Variants in ZNF579 observed in about 807,000 individuals in gnomAD.
ZNF579 encodes zinc finger protein 579.
In ZNF579, 3 loss-of-function variants were observed where a neutral mutation model predicts 5.7. That is an observed-to-expected ratio of 0.53 (90% CI 0.24 to 1.36). ZNF579 has a LOEUF of 1.36. Ranked by LOEUF, ZNF579 falls within the 40% of genes most tolerant of loss-of-function variation. The pLI, the probability that ZNF579 is intolerant of heterozygous loss-of-function variation, is 0.16. For synonymous variants in ZNF579, 454 were observed against 409.0 expected (o/e 1.11, Z -1.33); for missense variants, 679 against 877.6 (o/e 0.77, Z 2.86).
At position 55,579,429 on chromosome 19, in the gene ZNF579, G is replaced by C; in HGVS notation, c.211C>G (p.Pro71Ala). ...TTGGGGCACAGCGGGCAGGCGTGGG[G>C]CCGGAGCCCCGAGTGGCTCAGCCGG... Reference protein sequence around the residue: ...RHRLSHSGLRPHACPLCPKAF... With the variant: ...RHRLSHSGLRAHACPLCPKAF... Residue 71 changes from proline to alanine, a missense_variant, in exon 2 of 2, where the codon CCC becomes GCC. Physicochemically the swap from Pro to Ala is conservative, Grantham distance 27. Coordinates refer to ENST00000325421, the MANE Select transcript of ZNF579 (RefSeq NM_152600.3). 7.5e-7 allele frequency: 1 copy of C among 1,337,180 alleles called. No individual in the cohort carries two copies. The highest frequency in any genetic ancestry group is 9.6e-7 in the Non-Finnish European group (1 of 1,042,138). The allele number at this position is 1,337,180 out of a possible 1,614,324, so 82.8% of individuals were successfully genotyped here.
In ZNF579 at chr19:55,578,144, C is replaced by G; in HGVS notation, c.1496G>C (p.Gly499Ala). Residue 499 changes from glycine to alanine, a missense_variant, in exon 2 of 2, where the codon GGG becomes GCG. Physicochemically the swap from Gly to Ala is moderately conservative, Grantham distance 60. This residue lies in a region of ZNF579 where 116 missense variants were observed against 121.9 expected (regional missense o/e 0.95). Coordinates refer to ENST00000325421, the MANE Select transcript of ZNF579 (RefSeq NM_152600.3). ...AATGTTTGCGAGGGGCAGCGGGAGC[C>G]CTTCTTCCTCCTGCTCGGCCTTCAG... ...PPLKAEQEEE[G>A]LPLPLANIKE... is the part of the protein sequence containing the mutation. The G allele has an allele frequency of 5.2e-6, 8 of 1,529,076 alleles. No individual in the cohort carries two copies. The highest frequency in any genetic ancestry group is 6.2e-6 in the Non-Finnish European group (7 of 1,137,018). The allele number at this position is 1,529,076 out of a possible 1,614,324, so 94.7% of individuals were successfully genotyped here.
rs1339206324 is a variant in ZNF579, at chr19:55,578,553, C to A, written c.1087G>T (p.Gly363Trp). 2.1e-6 allele frequency: 3 copies of A among 1,432,976 alleles called. No individual in the cohort carries two copies. The highest frequency in any genetic ancestry group is 2.1e-4 in the Middle Eastern group (1 of 4,718). 88.8% of individuals were successfully genotyped at this position (1,432,976 alleles called of 1,614,324 possible). The change falls in exon 2 of 2, where the codon GGG (glycine) becomes TGG (tryptophan). Residue 363 changes from glycine (G) to tryptophan (W), a missense_variant. Gly to Trp is a radical substitution (Grantham distance 184). Around this residue, in one of 6 missense-constraint regions of ZNF579, gnomAD observed 114 missense variants for 98.9 expected, o/e 1.15. Coordinates refer to ENST00000325421, the MANE Select transcript of ZNF579 (RefSeq NM_152600.3). The stretch of plus-strand genomic sequence containing the variant: ...TCGCCTCCGTTCTGCCCTTCTCCCC[C>A]TTCCGAGGCACCCCCGCACTCCGCC... ...EGAECGGASE[G>W]GEGQNGGDAA... is the part of the protein sequence containing the mutation.
In ZNF579 at chr19:55,577,985, G is replaced by C. The variant is rs757017578; in HGVS notation, c.1655C>G (p.Ala552Gly). 24 of 1,599,278 alleles carry C rather than the reference G, an allele frequency of 1.5e-5. 2 individuals carry two copies. The South Asian group carries it at 2.1e-4, about 14-fold the overall frequency. Residue 552 changes from alanine (A) to glycine (G), a missense_variant, in exon 2 of 2, where the codon GCT becomes GGT. Physicochemically the swap from Ala to Gly is moderately conservative, Grantham distance 60. This residue lies in a region of ZNF579 where 116 missense variants were observed against 121.9 expected (regional missense o/e 0.95). Transcript: ENST00000325421. ...EMEEEEVDSK[A>G]HLRGLGGLAS ...CAGGCCCCCCAGCCCGCGCAGGTGA[G>C]CCTTGCTGTCTACCTCTTCCTCCTC...
rs1008734938 is a variant in ZNF579 at position 55,579,538 on chromosome 19, C to T, written c.102G>A (p.Arg34=). 7.5e-6 allele frequency: 11 copies of T among 1,459,652 alleles called. No individual in the cohort carries two copies. Among genetic ancestry groups the T allele is most frequent in the Non-Finnish European group, 8.1e-6 (9 of 1,111,988 alleles). 90.4% of individuals were successfully genotyped at this position (1,459,652 alleles called of 1,614,324 possible). A position where few individuals can be genotyped will look rare whatever the true frequency, so the allele number is the denominator to read the frequency against. ...RGRGRGRGRG[R]GGAGAPRAPL... ...GCGCCCTAGGGGCTCCAGCGCCCCCCCTGCCACGGCCACGGCCCCGACCAC... is the reference window on the plus strand; with the variant it reads ...GCGCCCTAGGGGCTCCAGCGCCCCCTCTGCCACGGCCACGGCCCCGACCAC... Residue 34 remains arginine (R), a synonymous_variant, in exon 2 of 2, where the codon AGG becomes AGA. Transcript: ENST00000325421.
Position 55,579,037 on chromosome 19 carries a change from G to T in ZNF579, c.603C>A (p.Ala201=). 1 of 1,529,430 alleles carries T rather than the reference G, an allele frequency of 6.5e-7. No homozygotes were observed. Among genetic ancestry groups the T allele is most frequent in the Non-Finnish European group, 8.7e-7 (1 of 1,144,310 alleles). 94.7% of individuals were successfully genotyped at this position (1,529,430 alleles called of 1,614,324 possible). The change falls in exon 2 of 2, where the codon GCC becomes GCA. Residue 201 remains alanine, a synonymous_variant. Transcript: ENST00000325421. ...PRESESEEAE[A]GAAELRAELA... ...GCTCGGCCCTCAGCTCTGCTGCCCC[G>T]GCCTCGGCCTCCTCCGACTCCGACT...
intron 1 of ZNF579, among the ~76,000 whole-genome samples, chr19:55,580,200 C>T (rs1235406214): frequency 3.3e-5 from 5 of 152,006 alleles, no homozygotes; most frequent in East Asian, 1.9e-4. Context: ...CCAGGTCCCC[C>T]GGCCAGGCTG....
Position 55,578,812 on chromosome 19 carries a change from G to A in ZNF579, c.828C>T (p.Leu276=). 1 of 1,602,734 alleles carries A rather than the reference G, an allele frequency of 6.2e-7. No individual in the cohort carries two copies. Among genetic ancestry groups the A allele is most frequent in the African/African-American group, 1.3e-5 (1 of 74,170 alleles). ...GGGACCAGGGCCTGGCGAAGGCCTT[G>A]AGGCAGATGGAGCACTGGTGTCGCT... ...RPKRHQCSIC[L]KAFARPWSLS... is the part of the protein sequence containing the mutation. The change falls in exon 2 of 2, where the codon CTC becomes CTT. Residue 276 remains leucine, a synonymous_variant. Coordinates refer to ENST00000325421, the MANE Select transcript of ZNF579 (RefSeq NM_152600.3).
At position 55,579,202 on chromosome 19, in the gene ZNF579, C is replaced by A. The variant is rs753896213; in HGVS notation, c.438G>T (p.Pro146=). 2.6e-6 allele frequency: 4 copies of A among 1,524,060 alleles called. No individual in the cohort carries two copies. Among genetic ancestry groups the A allele is most frequent in the Admixed American group, 2.0e-5 (1 of 50,586 alleles). 94.4% of individuals were successfully genotyped at this position (1,524,060 alleles called of 1,614,324 possible). The part of the protein sequence containing the change: ...AKETAEPSWG[P]QDEGSEPPTT... ...TGGGCGGCTCCGAGCCCTCGTCCTG[C>A]GGGCCCCAGCTGGGTTCGGCCGTCT... Residue 146 remains proline, a synonymous_variant, in exon 2 of 2, where the codon CCG becomes CCT. Coordinates refer to ENST00000325421, the MANE Select transcript of ZNF579 (RefSeq NM_152600.3).
At position 55,578,934 on chromosome 19, in the gene ZNF579, G is replaced by A. The variant is rs1180462045; in HGVS notation, c.706C>T (p.Arg236Cys). ...TCGCCCTTGGTGGCGAAGGCTTCGC[G>A]GCAGCGCAGACACAGCAGCGTCCAG... is the stretch of plus-strand genomic sequence containing the variant. Reference protein sequence around the residue: ...ADWTLLCLRCREAFATKGELK... With the variant: ...ADWTLLCLRCCEAFATKGELK... Residue 236 changes from arginine to cysteine, a missense_variant, in exon 2 of 2, where the codon CGC (arginine) becomes TGC (cysteine). Transcript: ENST00000325421. The A allele has an allele frequency of 5.1e-6, 8 of 1,568,088 alleles. No homozygotes were observed. Among genetic ancestry groups the A allele is most frequent in the Admixed American group, 1.8e-5 (1 of 54,082 alleles).
Position 55,578,894 on chromosome 19 carries a change from G to C in ZNF579, c.746C>G (p.Pro249Arg), listed in dbSNP as rs751154563. The change falls in exon 2 of 2, where the codon CCG becomes CGG. Residue 249 changes from proline to arginine, a missense_variant. By Grantham distance (103) the Pro-to-Arg change is moderately radical (BLOSUM62 -2). Coordinates refer to ENST00000325421, the MANE Select transcript of ZNF579 (RefSeq NM_152600.3). ...CTGTTCGCCCTCGGGGCGCAGACAC[G>C]GGTGCGCCTTGAGCTCGCCCTTGGT... is the stretch of plus-strand genomic sequence containing the variant. ...FATKGELKAH[P>R]CLRPEGEQEG... 3.1e-6 allele frequency: 5 copies of C among 1,592,758 alleles called. No homozygotes were observed. Among genetic ancestry groups the C allele is most frequent in the Non-Finnish European group, 4.3e-6 (5 of 1,170,484 alleles).
At chr19:55,580,308 T>C (rs34937940) in intron 1 of ZNF579, among the ~76,000 whole-genome samples, 33,085 of 151,710 alleles carry the variant, frequency 0.22, 3,915 homozygotes, top group African/African-American at 0.32. Flanking sequence ...TGTTCTCAGA[T>C]GCCAGGGGCT....
In ZNF579 at chr19:55,578,089, T is replaced by A. The variant is rs1474010276; in HGVS notation, c.1551A>T (p.Pro517=). Reference sequence around the variant, plus strand: ...CAGGGGGAGCCGGCGGGGACTGGGGTGGGGTCCCCGGAGAGGGCGGCTCTT... The same window carrying A: ...CAGGGGGAGCCGGCGGGGACTGGGGAGGGGTCCCCGGAGAGGGCGGCTCTT... ...IKEEPPSPGT[P]PQSPPAPPVF... The change falls in exon 2 of 2, where the codon CCA becomes CCT. Residue 517 remains proline, a synonymous_variant. Transcript: ENST00000325421. 1.3e-6 allele frequency: 2 copies of A among 1,568,958 alleles called. No individual in the cohort carries two copies. Among genetic ancestry groups the A allele is most frequent in the Admixed American group, 3.8e-5 (2 of 52,700 alleles).
At chr19:55,580,362 T>A (rs1009575226) in intron 1 of ZNF579, among the ~76,000 whole-genome samples, 3 of 151,504 alleles carry the variant, frequency 2.0e-5, no homozygotes, top group African/African-American at 7.3e-5. Flanking sequence ...CTGGTCTGAG[T>A]TGGGAGGGGG....
In ZNF579 at chr19:55,577,355, G is replaced by C. The variant is rs1979405055; in HGVS notation, c.*596C>G. 1 of 158,708 alleles carries C rather than the reference G, an allele frequency of 6.3e-6. No homozygotes were observed. Among genetic ancestry groups the C allele is most frequent in the African/African-American group, 2.4e-5 (1 of 41,438 alleles). 9.8% of individuals were successfully genotyped at this position (158,708 alleles called of 1,614,324 possible). On this transcript the variant is annotated 3_prime_UTR_variant, in exon 2 of 2. Coordinates refer to ENST00000325421, the MANE Select transcript of ZNF579 (RefSeq NM_152600.3). Reference sequence around the variant, plus strand: ...CGATGATCTATCTTCTCACATTCCTGTTTCTTCTCAACCCAGCCTTCACCG... The same window carrying C: ...CGATGATCTATCTTCTCACATTCCTCTTTCTTCTCAACCCAGCCTTCACCG...
At position 55,578,841 on chromosome 19, in the gene ZNF579, G is replaced by A. The variant is rs1979505044; in HGVS notation, c.799C>T (p.Pro267Ser). 3 of 1,601,100 alleles carry A rather than the reference G, an allele frequency of 1.9e-6. No homozygotes were observed. Among genetic ancestry groups the A allele is most frequent in the South Asian group, 1.1e-5 (1 of 89,868 alleles). Residue 267 changes from proline (P) to serine (S), a missense_variant, in exon 2 of 2, where the codon CCC becomes TCC. Physicochemically the swap from Pro to Ser is moderately conservative, Grantham distance 74. Transcript: ENST00000325421. ...CAGATGGAGCACTGGTGTCGCTTGG[G>A]GCGTGGCGGGGGCCCCCCTTCCCCT... Reference protein sequence around the residue: ...QEGEGGPPPRPKRHQCSICLK... With the variant: ...QEGEGGPPPRSKRHQCSICLK...
chr19:55,578,549 C>G lies in ZNF579; in HGVS notation c.1091G>C (p.Gly364Ala). Residue 364 changes from glycine to alanine, a missense_variant, in exon 2 of 2, where the codon GGA becomes GCA. Transcript: ENST00000325421. ...GAECGGASEG[G>A]EGQNGGDAAP... ...GGCGTCGCCTCCGTTCTGCCCTTCTCCCCCTTCCGAGGCACCCCCGCACTC... is the reference window on the plus strand; with the variant it reads ...GGCGTCGCCTCCGTTCTGCCCTTCTGCCCCTTCCGAGGCACCCCCGCACTC... The G allele has an allele frequency of 2.1e-6, 3 of 1,418,892 alleles. No homozygotes were observed. The highest frequency in any genetic ancestry group is 2.7e-6 in the Non-Finnish European group (3 of 1,093,736). The allele number at this position is 1,418,892 out of a possible 1,614,324, so 87.9% of individuals were successfully genotyped here. A position where few individuals can be genotyped will look rare whatever the true frequency, so the allele number is the denominator to read the frequency against.
At position 55,580,027 on chromosome 19, in the gene ZNF579, G is replaced by C. The variant is rs184412269; in HGVS notation, c.-2-386C>G. The C allele has an allele frequency of 3.6e-3, 688 of 191,784 alleles. 3 individuals are homozygous for C. The highest frequency in any genetic ancestry group is 5.9e-3 in the Non-Finnish European group (553 of 94,224). The allele number at this position is 191,784 out of a possible 1,614,324, so 11.9% of individuals were successfully genotyped here. A position where few individuals can be genotyped will look rare whatever the true frequency, so the allele number is the denominator to read the frequency against. On this transcript the variant is annotated intron_variant, in intron 1 of 1. Coordinates refer to ENST00000325421, the MANE Select transcript of ZNF579 (RefSeq NM_152600.3). ...CAGAGAGACAGAGACACAGAGAAGAGGAAACAAAGAGACTTGGAGAACCAG... is the reference window on the plus strand; with the variant it reads ...CAGAGAGACAGAGACACAGAGAAGACGAAACAAAGAGACTTGGAGAACCAG...
chr19:55,579,586 T>C lies in ZNF579; in HGVS notation c.54A>G (p.Arg18=), dbSNP rs1979576181. 6.7e-7 allele frequency: 1 copy of C among 1,493,318 alleles called. No homozygotes were observed. Among genetic ancestry groups the C allele is most frequent in the Admixed American group, 2.2e-5 (1 of 44,630 alleles). 92.5% of individuals were successfully genotyped at this position (1,493,318 alleles called of 1,614,324 possible). The part of the protein sequence containing the change: ...PAQGSPPHRG[R]GRGRGRGRGR... ...CACGGCCTCGGCCACGGCCCCGGCCTCGGCCACGGTGAGGTGGGCTGCCCT... is the reference window on the plus strand; with the variant it reads ...CACGGCCTCGGCCACGGCCCCGGCCCCGGCCACGGTGAGGTGGGCTGCCCT... Residue 18 remains arginine (R), a synonymous_variant, in exon 2 of 2, where the codon CGA becomes CGG. Transcript: ENST00000325421.
chr19:55,579,966 G>C lies in ZNF579; in HGVS notation c.-2-325C>G, dbSNP rs149546760. 2,604 of 288,536 alleles carry C rather than the reference G, an allele frequency of 9.0e-3. 21 individuals are homozygous for C. Among genetic ancestry groups the C allele is most frequent in the Non-Finnish European group, 0.013 (2,092 of 155,360 alleles). The allele number at this position is 288,536 out of a possible 1,614,324, so 17.9% of individuals were successfully genotyped here. A position where few individuals can be genotyped will look rare whatever the true frequency, so the allele number is the denominator to read the frequency against. ...GAAAGACAGGATGGTGAAAGGCAGA[G>C]CAGAGAAGAGACAGAGGAGAGTGAG... On this transcript the variant is annotated intron_variant, in intron 1 of 1. Transcript: ENST00000325421.
Sources: gnomAD v4.1 joint callset for allele counts (sites outside exome capture counted in the v4.1 genomes callset) on GRCh38, gnomAD v4.1.1 for gene constraint, gnomAD v4.1.1 regional missense constraint, MANE v1.5 for transcripts, NCBI Gene and HGNC (gene_info 2026-07-23, HGNC 2026-07-21) for gene names.